Variants in NSMCE2 observed in about 807,000 individuals in gnomAD.
NSMCE2 encodes the protein NSE2 SUMO ligase component of SMC5/6 complex, also known as E3 SUMO-protein ligase NSE2.
In NSMCE2, 24 loss-of-function variants were observed where a neutral mutation model predicts 23.8. That is an observed-to-expected ratio of 1.01 (90% CI 0.73 to 1.42). NSMCE2 has a LOEUF of 1.42. Ranked by LOEUF, NSMCE2 falls within the 40% of genes most tolerant of loss-of-function variation. NSMCE2 has a pLI of 0.00. For missense variants in NSMCE2, 284 were observed against 296.5 expected (o/e 0.96, Z 0.31); for synonymous variants, 92 against 94.1 (o/e 0.98, Z 0.13).
At chr8:125,148,748 T>A (rs1820819292) in intron 3 of NSMCE2, among the ~76,000 whole-genome samples, 1 of 152,220 alleles carries the variant, frequency 6.6e-6, no homozygotes, top group Non-Finnish European at 1.5e-5. Flanking sequence ...AATACTTTCC[T>A]TTAACTAGGT....
At chr8:125,272,807 A>G (rs1235271839) in intron 5 of NSMCE2, among the ~76,000 whole-genome samples, 1 of 137,640 alleles carries the variant, frequency 7.3e-6, no homozygotes, top group Non-Finnish European at 1.5e-5. Flanking sequence ...ATATATATAC[A>G]CACACGTATA....
intron 5 of NSMCE2, chr8:125,349,010 A>AACACACACACAC (rs35429077): frequency 3.9e-5 from 5 of 129,446 alleles, no homozygotes; most frequent in South Asian, 2.9e-4. Flanking sequence ...CTCAAAGCAA[A>AACACACACACAC]ACACACACAC....
intron 3 of NSMCE2, among the ~76,000 whole-genome samples, chr8:125,110,171 C>T (rs888894426): frequency 1.3e-5 from 2 of 152,126 alleles, no homozygotes; most frequent in Admixed American, 1.3e-4. Flanking sequence ...TCTTCTCATG[C>T]CTCTCTGCCA....
intron 3 of NSMCE2, among the ~76,000 whole-genome samples, chr8:125,139,533 A>G (rs1260788877): frequency 6.6e-6 from 1 of 152,198 alleles, no homozygotes; most frequent in Non-Finnish European, 1.5e-5. Flanking sequence ...CAGAAGGCAA[A>G]GGAGTAGCAG....
chr8:125,225,197 A>C (rs1370467883), intron 5 of NSMCE2, among the ~76,000 whole-genome samples: 1 of 152,230 alleles, frequency 6.6e-6, no homozygotes, highest in Non-Finnish European at 1.5e-5. Context: ...GACTGAAATC[A>C]GTTCTTAAAC....
chr8:125,098,645 A>G (rs1412521004), intron 1 of NSMCE2, among the ~76,000 whole-genome samples: 2 of 152,112 alleles, frequency 1.3e-5, no homozygotes, highest in African/African-American at 4.8e-5. Context: ...GTTTGACTAC[A>G]GAGCTGGCAA....
intron 5 of NSMCE2, among the ~76,000 whole-genome samples, chr8:125,194,469 A>G (rs1392502342): frequency 1.3e-5 from 2 of 152,168 alleles, no homozygotes; most frequent in African/African-American, 4.8e-5. Flanking sequence ...TCGCATGGAT[A>G]TACCATAGTT....
intron 4 of NSMCE2, among the ~76,000 whole-genome samples, chr8:125,155,809 G>A (rs2130702199): frequency 6.6e-6 from 1 of 152,268 alleles, no homozygotes. Flanking sequence ...TCCATTTTTA[G>A]GTATGTGCTT....
At chr8:125,282,016 T>G (rs902638930) in intron 5 of NSMCE2, among the ~76,000 whole-genome samples, 3 of 152,150 alleles carry the variant, frequency 2.0e-5, no homozygotes, top group Non-Finnish European at 4.4e-5. Context: ...CTGGTCCCAT[T>G]GAAATTGGTG....
chr8:125,142,610 T>G (rs1820435317), intron 3 of NSMCE2, among the ~76,000 whole-genome samples: 2 of 135,856 alleles, frequency 1.5e-5, no homozygotes, highest in South Asian at 4.4e-4. Flanking sequence ...GTGTATTCAG[T>G]TTTTTTTTTT....
chr8:125,159,346 T>TGCC (rs1821483697), intron 4 of NSMCE2, among the ~76,000 whole-genome samples: 1 of 152,218 alleles, frequency 6.6e-6, no homozygotes, highest in Admixed American at 6.5e-5. Context: ...ATGATGGTGG[T>TGCC]GCCATAAGAT....
chr8:125,175,203 G>A (rs1409836232), intron 4 of NSMCE2, among the ~76,000 whole-genome samples: 1 of 152,080 alleles, frequency 6.6e-6, no homozygotes, highest in Admixed American at 6.5e-5. Context: ...TGGGTTGGTG[G>A]TGTGTCATTA....
intron 5 of NSMCE2, among the ~76,000 whole-genome samples, chr8:125,206,374 A>G (rs1350043061): frequency 6.6e-6 from 1 of 152,202 alleles, no homozygotes; most frequent in Non-Finnish European, 1.5e-5. Context: ...ATTAGCTGAG[A>G]CATCTGATTA....
chr8:125,100,756 T>A (rs1818149267), intron 1 of NSMCE2, among the ~76,000 whole-genome samples: 2 of 152,118 alleles, frequency 1.3e-5, no homozygotes, highest in Admixed American at 6.5e-5. Flanking sequence ...AGACAGGGTT[T>A]TGCCATGTTG....
intron 5 of NSMCE2, among the ~76,000 whole-genome samples, chr8:125,183,359 C>A (rs536465239): frequency 6.6e-6 from 1 of 152,144 alleles, no homozygotes; most frequent in East Asian, 1.9e-4. Flanking sequence ...TTTGTTTTTA[C>A]TGTAGACTTA....
chr8:125,354,160 G>C (rs186231043), intron 5 of NSMCE2, among the ~76,000 whole-genome samples: 1,944 of 152,062 alleles, frequency 0.013, 12 homozygotes, highest in Non-Finnish European at 0.019. Flanking sequence ...TCGAACTCCT[G>C]ACCTCAGGTG....
At chr8:125,258,936 C>G (rs557610573) in intron 5 of NSMCE2, among the ~76,000 whole-genome samples, 1 of 152,114 alleles carries the variant, frequency 6.6e-6, no homozygotes, top group Non-Finnish European at 1.5e-5. Flanking sequence ...GAGTTTTGCT[C>G]TTGTTGCCCA....
chr8:125,176,691 T>A (rs533629240), intron 4 of NSMCE2, among the ~76,000 whole-genome samples: 3 of 152,238 alleles, frequency 2.0e-5, no homozygotes, highest in African/African-American at 4.8e-5. Flanking sequence ...AGGTGAGCGC[T>A]TTATTGCTTC....
In NSMCE2 at chr8:125,135,562, A is replaced by G. The variant is rs548491288; in HGVS notation, c.158-15609A>G. On this transcript the variant is annotated intron_variant, in intron 3 of 7. Coordinates refer to ENST00000287437, the MANE Select transcript of NSMCE2 (RefSeq NM_173685.4). ...ATTCTTTCTGACTGAAGTTTTGTAT[A>G]TGGAATAAGGTACGAGGTATAGATC... Among the ~76,000 whole-genome samples, 9 of 151,844 alleles carry G rather than the reference A, an allele frequency of 5.9e-5. No homozygotes were observed. In the South Asian group the frequency reaches 1.9e-3, roughly 31 times the overall value.
Sources: gnomAD v4.1 joint callset for allele counts (sites outside exome capture counted in the v4.1 genomes callset) on GRCh38, gnomAD v4.1.1 for gene constraint, MANE v1.5 for transcripts, NCBI Gene and HGNC (gene_info 2026-07-23, HGNC 2026-07-21) for gene names.